The following PTPRG variants were observed in gnomAD, a reference collection of about 807,000 sequenced individuals.
The protein encoded by PTPRG is receptor-type tyrosine-protein phosphatase gamma.
Under a neutral mutation model 165.3 loss-of-function variants are expected in PTPRG, and 102 were observed. The ratio of observed to expected loss-of-function variants is 0.62; its 90% CI spans 0.53 to 0.73. The LOEUF (loss-of-function observed/expected upper bound fraction) is 0.73, where lower values mean the gene tolerates loss of function less well. Ranked by LOEUF, PTPRG falls within the 30% of genes least tolerant of loss-of-function variation. The pLI is 0.00. For missense variants in PTPRG, 1,866 were observed against 1,861.4 expected, an observed-to-expected ratio of 1.00 and a Z score of -0.05; for synonymous variants, 675 against 669.5, an observed-to-expected ratio of 1.01 and a Z score of -0.13.
At chr3:61,745,003 C>G (rs542428603) in intron 1 of PTPRG, among the ~76,000 whole-genome samples, 1 of 150,340 alleles carries the variant, frequency 6.7e-6, no homozygotes, top group African/African-American at 2.4e-5. Context: ...CTCTAGAACA[C>G]AGAAACCATC....
chr3:61,610,523 A>G (rs934787640), intron 1 of PTPRG, among the ~76,000 whole-genome samples: 3 of 152,318 alleles, frequency 2.0e-5, no homozygotes, highest in African/African-American at 7.2e-5. Flanking sequence ...TAGCAGATGG[A>G]TAAAGAGATT....
chr3:61,817,933 C>G (rs1326646261), intron 2 of PTPRG, among the ~76,000 whole-genome samples: 1 of 151,984 alleles, frequency 6.6e-6, no homozygotes. Context: ...TCAGAATGAA[C>G]AAGATGGGGC....
chr3:61,901,573 C>A (rs1175132669), intron 2 of PTPRG, among the ~76,000 whole-genome samples: 1 of 152,144 alleles, frequency 6.6e-6, no homozygotes, highest in Non-Finnish European at 1.5e-5. Flanking sequence ...GTATATGCTT[C>A]CCAATTTCAA....
intron 1 of PTPRG, among the ~76,000 whole-genome samples, chr3:61,649,189 T>C (rs1017617969): frequency 1.2e-4 from 18 of 151,724 alleles, no homozygotes; most frequent in Non-Finnish European, 2.6e-4. Context: ...CCTTCCTTTT[T>C]CTATTTTCTT....
chr3:62,035,026 T>C (rs1699897662), intron 4 of PTPRG, among the ~76,000 whole-genome samples: 2 of 152,134 alleles, frequency 1.3e-5, no homozygotes, highest in African/African-American at 4.8e-5. Flanking sequence ...AGTCCTACAG[T>C]GGGGACTCCA....
intron 8 of PTPRG, among the ~76,000 whole-genome samples, chr3:62,179,719 A>T (rs564381356): frequency 2.7e-4 from 41 of 152,324 alleles, no homozygotes; most frequent in African/African-American, 9.9e-4. Flanking sequence ...CTCTCCATCA[A>T]CTGACAGTCT....
At chr3:62,274,317 A>G (rs1210777863) in intron 23 of PTPRG, among the ~76,000 whole-genome samples, 1 of 152,192 alleles carries the variant, frequency 6.6e-6, no homozygotes, top group Non-Finnish European at 1.5e-5. Context: ...CTTTTCCTAA[A>G]TGGTTGTTCT....
At chr3:61,827,616 G>A (rs544424872) in intron 2 of PTPRG, among the ~76,000 whole-genome samples, 1 of 152,148 alleles carries the variant, frequency 6.6e-6, no homozygotes, top group East Asian at 1.9e-4. Flanking sequence ...ATCTAACCAT[G>A]TGTCTATCTA....
rs1249533096 is a variant in PTPRG, at chr3:62,157,073, A to G, written c.689A>G (p.Glu230Gly). 1 of 1,602,854 alleles carries G rather than the reference A, an allele frequency of 6.2e-7. No homozygotes were observed. The highest frequency in any genetic ancestry group is 8.5e-7 in the Non-Finnish European group (1 of 1,169,954). The change falls in exon 7 of 30, where the codon GAG becomes GGG. Residue 230 changes from glutamate to glycine, a missense_variant. Transcript: ENST00000474889. ...TCCCTTTTTCCCCAAACAGAGAAGG[A>G]GACCTTTCTGGATCCTTTCGTCCTC... ...GLKGVVHHEKETFLDPFVLRD... is the reference protein window; with the variant it reads ...GLKGVVHHEKGTFLDPFVLRD...
chr3:62,157,122 G>C lies in PTPRG; in HGVS notation c.738G>C (p.Leu246=). Residue 246 remains leucine (L), a synonymous_variant, in exon 7 of 30, where the codon CTG becomes CTC. Coordinates refer to ENST00000474889, the MANE Select transcript of PTPRG (RefSeq NM_002841.4). ...FVLRDLLPAS[L]GSYYRYTGSL... ...TCCGGGACCTCCTGCCTGCATCCCT[G>C]GGCAGCTATTATCGGTACACAGGTT... is the stretch of plus-strand genomic sequence containing the variant. 6.2e-7 allele frequency: 1 copy of C among 1,612,274 alleles called. No individual in the cohort carries two copies.
intron 2 of PTPRG, among the ~76,000 whole-genome samples, chr3:61,920,272 T>G (rs2039044972): frequency 6.6e-6 from 1 of 152,256 alleles, no homozygotes; most frequent in Non-Finnish European, 1.5e-5. Flanking sequence ...CTGGAGACCA[T>G]GTCTAGAAAT....
At chr3:61,918,887 T>C (rs1299828127) in intron 2 of PTPRG, among the ~76,000 whole-genome samples, 1 of 152,210 alleles carries the variant, frequency 6.6e-6, no homozygotes, top group African/African-American at 2.4e-5. Flanking sequence ...AAAGGCTACC[T>C]CATTTCCTGG....
intron 14 of PTPRG, among the ~76,000 whole-genome samples, chr3:62,241,538 G>A (rs1701160507): frequency 6.6e-6 from 1 of 152,088 alleles, no homozygotes; most frequent in African/African-American, 2.4e-5. Flanking sequence ...GCACTAGAGT[G>A]TGATTTGCTT....
intron 5 of PTPRG, among the ~76,000 whole-genome samples, chr3:62,093,913 A>T (rs1702025674): frequency 6.6e-6 from 1 of 152,146 alleles, no homozygotes; most frequent in Admixed American, 6.5e-5. Context: ...TTTTGCTACA[A>T]ATTACTACAT....
chr3:62,288,038 C>A (rs1426156984), intron 28 of PTPRG, among the ~76,000 whole-genome samples: 2 of 150,956 alleles, frequency 1.3e-5, no homozygotes, highest in African/African-American at 4.9e-5. Flanking sequence ...ATAATTCATG[C>A]ATCAAAGATG....
At chr3:61,578,553 C>G (rs1394541268) in intron 1 of PTPRG, among the ~76,000 whole-genome samples, 1 of 152,196 alleles carries the variant, frequency 6.6e-6, no homozygotes, top group African/African-American at 2.4e-5. Context: ...CTTTCTCCAA[C>G]AGAATGCTAA....
chr3:61,591,098 G>A (rs1700557114), intron 1 of PTPRG, among the ~76,000 whole-genome samples: 1 of 152,220 alleles, frequency 6.6e-6, no homozygotes, highest in African/African-American at 2.4e-5. Flanking sequence ...AAAAAGAAAT[G>A]CTGCAAATGT....
intron 2 of PTPRG, among the ~76,000 whole-genome samples, chr3:61,874,972 C>T (rs1343146087): frequency 2.0e-5 from 3 of 152,178 alleles, no homozygotes; most frequent in Non-Finnish European, 4.4e-5. Context: ...TTAAGTCCCA[C>T]GTAGTCTACA....
At chr3:62,290,491 A>G (rs890905763) in intron 28 of PTPRG, among the ~76,000 whole-genome samples, 1 of 152,172 alleles carries the variant, frequency 6.6e-6, no homozygotes, top group Non-Finnish European at 1.5e-5. Flanking sequence ...AAATGTAGAG[A>G]CAGCCAAGAC....
Sources: allele counts gnomAD v4.1 joint callset (sites outside exome capture counted in the v4.1 genomes callset), GRCh38; gene constraint gnomAD v4.1.1; transcripts MANE v1.5; gene names NCBI Gene and HGNC (gene_info 2026-07-23, HGNC 2026-07-21).